Variants in KDM1B observed in about 807,000 individuals in gnomAD.
KDM1B encodes the protein lysine-specific histone demethylase 2.
A neutral mutation model predicts 107.4 loss-of-function variants in KDM1B; 63 were observed. The ratio of observed to expected loss-of-function variants is 0.59; its 90% CI spans 0.48 to 0.72. The LOEUF (loss-of-function observed/expected upper bound fraction) is 0.72, where lower values mean the gene tolerates loss of function less well. Ranked by LOEUF, KDM1B falls within the 30% of genes least tolerant of loss-of-function variation. KDM1B has a pLI of 0.00. For missense variants in KDM1B, 749 were observed against 1,020.8 expected (o/e 0.73, Z 3.63); for synonymous variants, 363 against 363.9 (o/e 1.00, Z 0.03).
intron 7 of KDM1B, among the ~76,000 whole-genome samples, chr6:18,181,007 T>C: frequency 6.6e-6 from 1 of 152,376 alleles, no homozygotes; most frequent in Non-Finnish European, 1.5e-5. Flanking sequence ...ATGCCTTGCT[T>C]TTTGTTTTTT....
Position 18,159,764 on chromosome 6 carries a change from C to T in KDM1B, c.-13-119C>T, listed in dbSNP as rs948776743. On this transcript the variant is annotated intron_variant, in intron 2 of 21. Transcript: ENST00000650836. The surrounding 1 kb of genome is among the most constrained non-coding windows in gnomAD (Gnocchi z 4.5). ...CAAAAGAAAAGAAAGAAAACTGTAG[C>T]TTTGTATTTAGGCAATCTGACATAC... 15 of 627,364 alleles carry T rather than the reference C, an allele frequency of 2.4e-5. No homozygotes were observed. The highest frequency in any genetic ancestry group is 4.0e-4 in the Middle Eastern group (1 of 2,510). The allele number at this position is 627,364 out of a possible 1,614,324, so 38.9% of individuals were successfully genotyped here. A position where few individuals can be genotyped will look rare whatever the true frequency, so the allele number is the denominator to read the frequency against.
intron 6 of KDM1B, among the ~76,000 whole-genome samples, chr6:18,166,863 A>AT (rs1376978847): frequency 6.6e-6 from 1 of 152,028 alleles, no homozygotes; most frequent in Non-Finnish European, 1.5e-5. Flanking sequence ...CAAAAAAAAA[A>AT]AAATGGTTTT....
At chr6:18,196,689 T>G (rs575671874) in intron 10 of KDM1B, among the ~76,000 whole-genome samples, 4 of 152,224 alleles carry the variant, frequency 2.6e-5, no homozygotes, top group African/African-American at 7.2e-5. Context: ...AGACTTTCCT[T>G]GTCATTATTT....
chr6:18,161,187 G>A, intron 3 of KDM1B, 140 bp from the exon 4 acceptor site: 1 of 665,526 alleles, frequency 1.5e-6, no homozygotes, highest in South Asian at 1.9e-5. Flanking sequence ...GGAAATTGCT[G>A]TATTGTCATC....
In KDM1B at chr6:18,159,550, A is replaced by T. The variant is rs963504807; in HGVS notation, c.-13-333A>T. ...TAAACTTCATGCCAGTGCTATAGTAAATGCTTATGGTGCCCATTTTATGTG... is the reference window on the plus strand; with the variant it reads ...TAAACTTCATGCCAGTGCTATAGTATATGCTTATGGTGCCCATTTTATGTG... On this transcript the variant is annotated intron_variant, in intron 2 of 21. Transcript: ENST00000650836. This position sits in a 1 kb window ranked among gnomAD's most constrained non-coding sequence, Gnocchi z 4.5. Among the ~76,000 whole-genome samples, 18 of 152,194 alleles carry T rather than the reference A, an allele frequency of 1.2e-4. No homozygotes were observed. The highest frequency in any genetic ancestry group is 1.1e-3 in the Admixed American group (17 of 15,282).
In KDM1B at chr6:18,195,078, A is replaced by G. The variant is rs1051953650; in HGVS notation, c.970-1979A>G. On this transcript the variant is annotated intron_variant, in intron 10 of 21. Coordinates refer to ENST00000650836, the MANE Select transcript of KDM1B (RefSeq NM_001364614.2). ...TTATGACTGGCTTCTTTTGCTTGGC[A>G]TAATGTTTTCAAGGTTTATCCATGT... Among the ~76,000 whole-genome samples, 5 of 152,316 alleles carry G rather than the reference A, an allele frequency of 3.3e-5. No individual in the cohort carries two copies. The East Asian group carries it at 5.8e-4, about 18-fold the overall frequency.
rs749770712 is a variant in KDM1B at position 18,160,019 on chromosome 6, A to T, written c.87+37A>T. On this transcript the variant is annotated intron_variant, in intron 3 of 21. Transcript: ENST00000650836. ...TTATTCATTCAACAAGCCTTTTTTG[A>T]GCATGCAGAATTACTGATTGGGACT... 1.5e-5 allele frequency: 21 copies of T among 1,370,184 alleles called. No individual in the cohort carries two copies. In the South Asian group the frequency reaches 2.3e-4, roughly 15 times the overall value. 84.9% of individuals were successfully genotyped at this position (1,370,184 alleles called of 1,614,324 possible). A position where few individuals can be genotyped will look rare whatever the true frequency, so the allele number is the denominator to read the frequency against.
At chr6:18,170,182 G>A (rs559828545) in intron 6 of KDM1B, among the ~76,000 whole-genome samples, 75 of 152,170 alleles carry the variant, frequency 4.9e-4, no homozygotes, top group Non-Finnish European at 7.9e-4. Context: ...AAGTGCAGGC[G>A]TGAGACACTG....
rs372894590 is a variant in KDM1B, at chr6:18,159,211, C to T, written c.-13-672C>T. 6.6e-6 allele frequency among the ~76,000 whole-genome samples: 1 copy of T among 152,144 alleles called. No individual in the cohort carries two copies. Among genetic ancestry groups the T allele is most frequent in the South Asian group, 2.1e-4 (1 of 4,836 alleles). ...TCGAACTCCTGACCTCATGATCCGC[C>T]TGCCTGGGCCTTGCAAAGTGCTGGG... On this transcript the variant is annotated intron_variant, in intron 2 of 21. Coordinates refer to ENST00000650836, the MANE Select transcript of KDM1B (RefSeq NM_001364614.2). The surrounding 1 kb of genome is among the most constrained non-coding windows in gnomAD (Gnocchi z 4.5).
chr6:18,160,033 C>A, intron 3 of KDM1B, 51 bp downstream of exon 3: 1 of 1,169,254 alleles, frequency 8.6e-7, no homozygotes, highest in African/African-American at 1.5e-5. Flanking sequence ...TGCAGAATTA[C>A]TGATTGGGAC....
chr6:18,161,384 A>G lies in KDM1B; in HGVS notation c.145A>G (p.Lys49Glu). The change falls in exon 4 of 22, where the codon AAG (lysine) becomes GAG (glutamate). Residue 49 changes from lysine to glutamate, a missense_variant. Coordinates refer to ENST00000650836, the MANE Select transcript of KDM1B (RefSeq NM_001364614.2). Reference protein sequence around the residue: ...DEDEDGGSEKKYRKCEKAGCT... With the variant: ...DEDEDGGSEKEYRKCEKAGCT... ...GGATGAAGATGGTGGCTCAGAGAAG[A>G]AGTACAGGAAATGTGAAAAGGCAGG... 1 of 1,614,000 alleles carries G rather than the reference A, an allele frequency of 6.2e-7. No homozygotes were observed. The highest frequency in any genetic ancestry group is 8.5e-7 in the Non-Finnish European group (1 of 1,179,952).
intron 7 of KDM1B, among the ~76,000 whole-genome samples, chr6:18,177,790 A>G (rs1786125538): frequency 6.6e-6 from 1 of 152,048 alleles, no homozygotes; most frequent in Non-Finnish European, 1.5e-5. Flanking sequence ...TGTTTTGTAA[A>G]TAAAGTTTTA....
At chr6:18,168,141 A>G (rs533642902) in intron 6 of KDM1B, among the ~76,000 whole-genome samples, 16 of 152,354 alleles carry the variant, frequency 1.1e-4, no homozygotes, top group African/African-American at 3.8e-4. Context: ...TAAAATTCGT[A>G]TAACATAAAA....
chr6:18,199,008 G>GAAAAAAAAAA (rs70974711), intron 12 of KDM1B, among the ~76,000 whole-genome samples: 298 of 74,528 alleles, frequency 4.0e-3, no homozygotes, highest in Non-Finnish European at 6.3e-3. Flanking sequence ...GTCTCTACCA[G>GAAAAAAAAAA]AAAAAAAAAA....
chr6:18,217,956 C>T, intron 21 of KDM1B, 71 bp downstream of exon 21: 1 of 1,516,452 alleles, frequency 6.6e-7, no homozygotes, highest in Non-Finnish European at 9.0e-7. Context: ...TGATATCTGC[C>T]CAGAGTTTAA....
chr6:18,167,879 C>T (rs1785414227), intron 6 of KDM1B, among the ~76,000 whole-genome samples: 1 of 152,116 alleles, frequency 6.6e-6, no homozygotes, highest in African/African-American at 2.4e-5. Context: ...CCTCCCACCT[C>T]AGCCGGCAGA....
rs1199169182 is a variant in KDM1B at position 18,211,043 on chromosome 6, T to C, written c.1867-1445T>C. ...CTAGATTTTATTTATTTTCTTGCAATTTAATTGGATAGTAATTGGTTTTTT... is the reference window on the plus strand; with the variant it reads ...CTAGATTTTATTTATTTTCTTGCAACTTAATTGGATAGTAATTGGTTTTTT... On this transcript the variant is annotated intron_variant, in intron 17 of 21. Transcript: ENST00000650836. This position sits in a 1 kb window ranked among gnomAD's most constrained non-coding sequence, Gnocchi z 5.2. Among the ~76,000 whole-genome samples, 1 of 152,182 alleles carries C rather than the reference T, an allele frequency of 6.6e-6. No individual in the cohort carries two copies. The highest frequency in any genetic ancestry group is 1.9e-4 in the East Asian group (1 of 5,188).
chr6:18,170,576 G>C (rs1441559411), intron 6 of KDM1B, among the ~76,000 whole-genome samples: 1 of 151,508 alleles, frequency 6.6e-6, no homozygotes, highest in Non-Finnish European at 1.5e-5. Context: ...ACCTCCCCAG[G>C]CTCAAGCCAT....
chr6:18,170,539 G>A (rs1785587484), intron 6 of KDM1B, among the ~76,000 whole-genome samples: 2 of 151,760 alleles, frequency 1.3e-5, no homozygotes, highest in Non-Finnish European at 2.9e-5. Context: ...GAGTGCAGTG[G>A]TATAATCTCA....
Sources: allele counts gnomAD v4.1 joint callset (sites outside exome capture counted in the v4.1 genomes callset), GRCh38; gene constraint gnomAD v4.1.1; non-coding constraint Gnocchi (gnomAD v3.1); transcripts MANE v1.5; gene names NCBI Gene and HGNC (gene_info 2026-07-23, HGNC 2026-07-21).